The following LSAMP variants were observed in gnomAD, a reference collection of about 807,000 sequenced individuals.
LSAMP encodes limbic system-associated membrane protein.
Under a neutral mutation model 38.6 loss-of-function variants are expected in LSAMP, and 7 were observed. The ratio of observed to expected loss-of-function variants is 0.18; its 90% confidence interval spans 0.10 to 0.34. The LOEUF is 0.34. LSAMP is among the 10% of genes least tolerant of loss of function. LSAMP has a pLI of 1.00. For missense variants in LSAMP, 313 were observed against 420.0 expected (o/e 0.75, Z 2.23); for synonymous variants, 154 against 166.8 (o/e 0.92, Z 0.59).
intron 1 of LSAMP, among the ~76,000 whole-genome samples, chr3:116,390,739 CA>C (rs60344430): frequency 0.03 from 1,697 of 56,054 alleles, 7 homozygotes; most frequent in African/African-American, 0.043. Context: ...GACTCCGCCT[CA>C]AAAAAAAAAA....
rs184886227 is a variant in LSAMP, at chr3:116,445,089, C to G, written c.-58G>C. ...GCTCTGGAGGGGTGCGCGCTGCTCG[C>G]GAGGAGAGGCTTCACCAACACGGGG... is the stretch of plus-strand genomic sequence containing the variant. On this transcript the variant is annotated 5_prime_UTR_variant, in exon 1 of 7. Coordinates refer to ENST00000490035, the MANE Select transcript of LSAMP (RefSeq NM_002338.5). 5.5e-4 allele frequency: 844 copies of G among 1,536,440 alleles called. 6 individuals are homozygous for G. In the African/African-American group the frequency reaches 9.3e-3, roughly 17 times the overall value.
rs546747726 is a variant in LSAMP at position 115,923,679 on chromosome 3, C to G, written c.515-71062G>C. On this transcript the variant is annotated intron_variant, in intron 3 of 6. Transcript: ENST00000490035. ...TCCTTTAAAGAAAATGTATATCATTCCTGAATACACTACACTTCCATTTTT... is the reference window on the plus strand; with the variant it reads ...TCCTTTAAAGAAAATGTATATCATTGCTGAATACACTACACTTCCATTTTT... Among the ~76,000 whole-genome samples the G allele has an allele frequency of 1.1e-3, 161 of 152,194 alleles. 2 individuals are homozygous for G. Among genetic ancestry groups the G allele is most frequent in the Admixed American group, 8.6e-3 (132 of 15,270 alleles).
intron 2 of LSAMP, among the ~76,000 whole-genome samples, chr3:116,040,324 T>TTATG (rs1941141124): frequency 6.6e-6 from 1 of 152,164 alleles, no homozygotes; most frequent in Non-Finnish European, 1.5e-5. Flanking sequence ...ATGAGAGCAA[T>TTATG]CTGTCTTCGC....
At position 115,803,419 on chromosome 3, in the gene LSAMP, C is replaced by T. The variant is rs1412709679; in HGVS notation, c.*6898G>A. The T allele has an allele frequency of 6.6e-6, 1 of 152,188 alleles. No individual in the cohort carries two copies. Among genetic ancestry groups the T allele is most frequent in the Non-Finnish European group, 1.5e-5 (1 of 68,028 alleles). 9.4% of individuals were successfully genotyped at this position (152,188 alleles called of 1,614,324 possible). A position where few individuals can be genotyped will look rare whatever the true frequency, so the allele number is the denominator to read the frequency against. On this transcript the variant is annotated 3_prime_UTR_variant, in exon 7 of 7. Coordinates refer to ENST00000490035, the MANE Select transcript of LSAMP (RefSeq NM_002338.5). ...TAGATGCTAACCTGAGCCTCTAGGA[C>T]AGCTTAGGACAAGAGGATCTGTGCT...
intron 6 of LSAMP, among the ~76,000 whole-genome samples, chr3:115,840,038 C>T (rs147606964): frequency 6.6e-6 from 1 of 152,066 alleles, no homozygotes; most frequent in Non-Finnish European, 1.5e-5. Flanking sequence ...GCTCACTTTC[C>T]CTTCTCCCTC....
At chr3:116,186,369 T>C (rs1710616631) in intron 1 of LSAMP, among the ~76,000 whole-genome samples, 1 of 152,150 alleles carries the variant, frequency 6.6e-6, no homozygotes, top group Admixed American at 6.6e-5. Flanking sequence ...TTTTAGAGCA[T>C]TTGGATCTTG....
intron 1 of LSAMP, among the ~76,000 whole-genome samples, chr3:116,341,460 C>A (rs1178543247): frequency 1.3e-5 from 2 of 151,756 alleles, no homozygotes; most frequent in Non-Finnish European, 2.9e-5. Context: ...TGGCAGGCAC[C>A]TTTGAGGCTC....
intron 2 of LSAMP, among the ~76,000 whole-genome samples, chr3:116,079,125 C>G (rs538718298): frequency 1.4e-4 from 22 of 152,222 alleles, no homozygotes; most frequent in African/African-American, 5.3e-4. Flanking sequence ...CTATCTTCTC[C>G]AACAATAAGA....
intron 1 of LSAMP, among the ~76,000 whole-genome samples, chr3:116,440,730 G>T (rs370841257): frequency 9.9e-5 from 15 of 152,198 alleles, no homozygotes; most frequent in African/African-American, 3.4e-4. Context: ...ATTTGATAAA[G>T]GATTTATCTG....
At chr3:116,212,741 C>T (rs918551655) in intron 1 of LSAMP, among the ~76,000 whole-genome samples, 1 of 152,074 alleles carries the variant, frequency 6.6e-6, no homozygotes, top group Non-Finnish European at 1.5e-5. Context: ...GGCATTCTTC[C>T]TAAGCAGTTG....
At chr3:116,342,435 G>A (rs2048008768) in intron 1 of LSAMP, among the ~76,000 whole-genome samples, 1 of 152,020 alleles carries the variant, frequency 6.6e-6, no homozygotes, top group Admixed American at 6.6e-5. Context: ...TTTATAGTAA[G>A]ATGCTAGTAT....
At chr3:115,993,794 CTTTCT>C (rs1317048568) in intron 3 of LSAMP, among the ~76,000 whole-genome samples, 1 of 151,742 alleles carries the variant, frequency 6.6e-6, no homozygotes, top group African/African-American at 2.4e-5. Flanking sequence ...AATTCCTTTC[CTTTCT>C]TATTAGTATG....
At chr3:116,398,923 T>A (rs955507236) in intron 1 of LSAMP, among the ~76,000 whole-genome samples, 4 of 152,044 alleles carry the variant, frequency 2.6e-5, no homozygotes, top group African/African-American at 9.7e-5. Context: ...AACTGGTGGG[T>A]TAGGGAAAGC....
At chr3:116,408,902 A>G (rs1355663644) in intron 1 of LSAMP, among the ~76,000 whole-genome samples, 2 of 152,022 alleles carry the variant, frequency 1.3e-5, no homozygotes, top group Non-Finnish European at 2.9e-5. Context: ...CTCATTAAGT[A>G]TGTGGTCCAG....
At chr3:116,016,557 A>C (rs1024542976) in intron 3 of LSAMP, among the ~76,000 whole-genome samples, 2 of 152,176 alleles carry the variant, frequency 1.3e-5, no homozygotes, top group African/African-American at 4.8e-5. Flanking sequence ...CCTATGTCCC[A>C]AGCTATGGCC....
chr3:116,246,730 T>C (rs1488835755), intron 1 of LSAMP, among the ~76,000 whole-genome samples: 1 of 152,154 alleles, frequency 6.6e-6, no homozygotes, highest in Non-Finnish European at 1.5e-5. Flanking sequence ...TCCAAAGTGA[T>C]GCATATGGCA....
chr3:115,951,388 A>C (rs538290163), intron 3 of LSAMP, among the ~76,000 whole-genome samples: 1 of 152,352 alleles, frequency 6.6e-6, no homozygotes, highest in Admixed American at 6.5e-5. Flanking sequence ...ACAAAGGACT[A>C]ATATCCAGCA....
At chr3:116,194,571 G>A (rs1008492965) in intron 1 of LSAMP, among the ~76,000 whole-genome samples, 2 of 152,028 alleles carry the variant, frequency 1.3e-5, no homozygotes, top group African/African-American at 2.4e-5. Flanking sequence ...ATTTTTTCGT[G>A]TTTTTTAGTA....
intron 3 of LSAMP, among the ~76,000 whole-genome samples, chr3:115,938,349 T>C (rs1199371257): frequency 6.6e-6 from 1 of 152,212 alleles, no homozygotes; most frequent in African/African-American, 2.4e-5. Flanking sequence ...AATAAGTTTT[T>C]TATTATTTCC....
Sources: gnomAD v4.1 joint callset for allele counts (sites outside exome capture counted in the v4.1 genomes callset) on GRCh38, gnomAD v4.1.1 for gene constraint, MANE v1.5 for transcripts, NCBI Gene and HGNC (gene_info 2026-07-23, HGNC 2026-07-21) for gene names.